EXOC4: variants seen among roughly 807,000 people sequenced by gnomAD.
EXOC4 encodes SEC8-like 1.
Under a neutral mutation model 107.2 loss-of-function variants are expected in EXOC4, and 71 were observed. That is an observed-to-expected ratio of 0.66 (90% CI 0.55 to 0.81). EXOC4 has a LOEUF of 0.81. Ranked by LOEUF, EXOC4 falls within the 30% of genes least tolerant of loss-of-function variation. EXOC4 has a pLI of 0.00. For missense variants in EXOC4, 1,108 were observed against 1,189.6 expected, an observed-to-expected ratio of 0.93 and a Z score of 1.01; for synonymous variants, 456 against 441.2, an observed-to-expected ratio of 1.03 and a Z score of -0.42.
chr7:133,481,965 G>C (rs1164859709), intron 9 of EXOC4, among the ~76,000 whole-genome samples: 2 of 152,134 alleles, frequency 1.3e-5, no homozygotes, highest in East Asian at 3.9e-4. Context: ...GTAGGATTGT[G>C]CTCGAACTGC....
At chr7:133,986,368 G>C (rs1212628086) in intron 14 of EXOC4, among the ~76,000 whole-genome samples, 1 of 152,178 alleles carries the variant, frequency 6.6e-6, no homozygotes, top group African/African-American at 2.4e-5. Context: ...CTTAAAACTA[G>C]ATTATAGATG....
At chr7:133,675,328 A>G (rs140739793) in intron 10 of EXOC4, among the ~76,000 whole-genome samples, 1 of 152,320 alleles carries the variant, frequency 6.6e-6, no homozygotes, top group African/African-American at 2.4e-5. Flanking sequence ...TTATGGTTGA[A>G]GTCCAGAAAG....
chr7:133,935,888 G>T (rs1800288871), intron 13 of EXOC4, among the ~76,000 whole-genome samples: 1 of 152,122 alleles, frequency 6.6e-6, no homozygotes, highest in Non-Finnish European at 1.5e-5. Flanking sequence ...TTTTCCCAAT[G>T]AAAAGCTTTA....
chr7:133,787,910 G>C (rs1456581195), intron 10 of EXOC4, among the ~76,000 whole-genome samples: 1 of 129,316 alleles, frequency 7.7e-6, no homozygotes, highest in East Asian at 2.5e-4. Flanking sequence ...ACTTATTCAA[G>C]GTCACACAGG....
At chr7:133,704,971 C>G (rs896337963) in intron 10 of EXOC4, among the ~76,000 whole-genome samples, 1 of 152,164 alleles carries the variant, frequency 6.6e-6, no homozygotes, top group Non-Finnish European at 1.5e-5. Flanking sequence ...TACCTTAGAT[C>G]TTAGTAACCT....
chr7:133,926,969 T>G (rs62470434), intron 13 of EXOC4, among the ~76,000 whole-genome samples: 5,532 of 152,172 alleles, frequency 0.036, 148 homozygotes, highest in Middle Eastern at 0.075. Context: ...AGTCATATAT[T>G]AAATGTTCAG....
At chr7:134,015,704 GTC>G (rs1353523599) in intron 17 of EXOC4, among the ~76,000 whole-genome samples, 1 of 151,682 alleles carries the variant, frequency 6.6e-6, no homozygotes, top group African/African-American at 2.4e-5. Flanking sequence ...GTGAAATCCC[GTC>G]TCTACTAAAA....
chr7:133,743,461 C>T (rs1273169819), intron 10 of EXOC4, among the ~76,000 whole-genome samples: 1 of 152,218 alleles, frequency 6.6e-6, no homozygotes, highest in African/African-American at 2.4e-5. Flanking sequence ...CCCTTAGCAG[C>T]TGTGCCATTG....
intron 10 of EXOC4, among the ~76,000 whole-genome samples, chr7:133,725,338 G>T (rs1011847420): frequency 6.6e-6 from 1 of 152,036 alleles, no homozygotes; most frequent in Non-Finnish European, 1.5e-5. Flanking sequence ...CTTATAAAGG[G>T]CTAGCTAGTA....
At chr7:133,642,898 T>C (rs186646034) in intron 10 of EXOC4, among the ~76,000 whole-genome samples, 2 of 152,318 alleles carry the variant, frequency 1.3e-5, no homozygotes, top group East Asian at 3.9e-4. Flanking sequence ...AACACTGACC[T>C]TTGACCTCCT....
intron 10 of EXOC4, among the ~76,000 whole-genome samples, chr7:133,710,402 T>A (rs1044812809): frequency 2.0e-5 from 3 of 152,072 alleles, no homozygotes; most frequent in Admixed American, 6.5e-5. Context: ...GGCTCACGCC[T>A]GTAATCCCAA....
intron 14 of EXOC4, among the ~76,000 whole-genome samples, chr7:133,990,965 AT>A (rs1407171135): frequency 6.6e-6 from 1 of 152,148 alleles, no homozygotes; most frequent in Non-Finnish European, 1.5e-5. Flanking sequence ...GCTGGCTCAT[AT>A]AGTAGTACTA....
At position 133,960,120 on chromosome 7, in the gene EXOC4, A is replaced by G. The variant is rs189036334; in HGVS notation, c.2206+22051A>G. On this transcript the variant is annotated intron_variant, in intron 14 of 17. Coordinates refer to ENST00000253861, the MANE Select transcript of EXOC4 (RefSeq NM_021807.4). ...TAGGAAGCAGCTAGCCCAGAGAGGAATAGCTGATCTCTCAGGAGAGCTTTG... is the reference window on the plus strand; with the variant it reads ...TAGGAAGCAGCTAGCCCAGAGAGGAGTAGCTGATCTCTCAGGAGAGCTTTG... Among the ~76,000 whole-genome samples the G allele has an allele frequency of 1.2e-4, 19 of 152,324 alleles. No individual in the cohort carries two copies. In the East Asian group the frequency reaches 3.7e-3, roughly 29 times the overall value.
chr7:134,099,474 C>G, the EXOC4 span, among the ~76,000 whole-genome samples: 7 of 151,836 alleles, frequency 4.6e-5, no homozygotes, highest in African/African-American at 1.4e-4. Flanking sequence ...CTAGTTCCCC[C>G]CAGTGTATTA....
intron 9 of EXOC4, among the ~76,000 whole-genome samples, chr7:133,584,585 G>T (rs2432635): frequency 0.99 from 124,160 of 124,960 alleles, 61,689 homozygotes; most frequent in Middle Eastern, 1. Flanking sequence ...TTTTTTTTTT[G>T]TTTTTTTTTT....
chr7:133,516,077 T>G (rs1799869759), intron 9 of EXOC4, among the ~76,000 whole-genome samples: 1 of 152,174 alleles, frequency 6.6e-6, no homozygotes, highest in South Asian at 2.1e-4. Context: ...GCATCACTAT[T>G]GAAATTACAG....
chr7:134,064,158 G>A, intron 17 of EXOC4, 133 bp from the exon 18 acceptor site: 2 of 504,022 alleles, frequency 4.0e-6, no homozygotes, highest in Admixed American at 3.7e-5. Context: ...TGTTGGTGGG[G>A]CCTAGAACAC....
chr7:133,491,762 C>A (rs1044921257), intron 9 of EXOC4, among the ~76,000 whole-genome samples: 1 of 152,108 alleles, frequency 6.6e-6, no homozygotes, highest in Non-Finnish European at 1.5e-5. Flanking sequence ...GAAGAGAAAA[C>A]ACTTAACATT....
intron 10 of EXOC4, among the ~76,000 whole-genome samples, chr7:133,673,904 T>G (rs6966523): frequency 0.41 from 61,908 of 152,016 alleles, 12,948 homozygotes; most frequent in South Asian, 0.51. Flanking sequence ...GCATCCTCAT[T>G]CCTATTGTTA....
Sources: allele counts gnomAD v4.1 joint callset (sites outside exome capture counted in the v4.1 genomes callset), GRCh38; gene constraint gnomAD v4.1.1; transcripts MANE v1.5; gene names NCBI Gene and HGNC (gene_info 2026-07-23, HGNC 2026-07-21).